The following TMEM132D variants were observed in gnomAD, a reference collection of about 807,000 sequenced individuals.
TMEM132D encodes mature OL transmembrane protein.
A neutral mutation model predicts 62.3 loss-of-function variants in TMEM132D; 21 were observed. The ratio of observed to expected loss-of-function variants is 0.34; its 90% confidence interval spans 0.24 to 0.49. The LOEUF is 0.49. TMEM132D is among the 20% of genes least tolerant of loss of function. The pLI, the probability that TMEM132D is intolerant of heterozygous loss-of-function variation, is 0.99. For synonymous variants in TMEM132D, 621 were observed against 575.6 expected, an observed-to-expected ratio of 1.08 and a Z score of -1.13; for missense variants, 1,346 against 1,402.8, an observed-to-expected ratio of 0.96 and a Z score of 0.65.
intron 1 of TMEM132D, among the ~76,000 whole-genome samples, chr12:129,897,843 C>T (rs1455509125): frequency 6.6e-6 from 1 of 152,188 alleles, no homozygotes; most frequent in Admixed American, 6.5e-5. Context: ...CTGCACTCAG[C>T]CCCTGGCAAG....
At chr12:129,429,865 G>A (rs1321901562) in intron 3 of TMEM132D, among the ~76,000 whole-genome samples, 1 of 151,494 alleles carries the variant, frequency 6.6e-6, no homozygotes, top group Non-Finnish European at 1.5e-5. Context: ...AGTTTGCTGA[G>A]AATGATGGTT....
At chr12:129,550,662 A>T (rs942714986) in intron 2 of TMEM132D, among the ~76,000 whole-genome samples, 31 of 152,192 alleles carry the variant, frequency 2.0e-4, no homozygotes, top group Admixed American at 1.8e-3. Flanking sequence ...ACTACAAAGA[A>T]CACCAGGGGA....
chr12:129,656,969 A>G (rs1396118552), intron 2 of TMEM132D, among the ~76,000 whole-genome samples: 2 of 152,230 alleles, frequency 1.3e-5, no homozygotes, highest in Non-Finnish European at 1.5e-5. Flanking sequence ...ACAGAAATCT[A>G]TCTCTTTTTG....
intron 3 of TMEM132D, among the ~76,000 whole-genome samples, chr12:129,360,311 C>T (rs2046247): frequency 0.023 from 3,427 of 152,286 alleles, 75 homozygotes; most frequent in Admixed American, 0.063. Context: ...TTTAACTGTA[C>T]TTAGGGGGGC....
chr12:129,106,295 T>A (rs1349074079), intron 5 of TMEM132D, among the ~76,000 whole-genome samples: 1 of 147,040 alleles, frequency 6.8e-6, no homozygotes. Context: ...AGGGATAGCA[T>A]TGGGAGATAT....
chr12:129,446,115 T>C (rs756331555), intron 3 of TMEM132D, among the ~76,000 whole-genome samples: 12 of 152,030 alleles, frequency 7.9e-5, no homozygotes, highest in Admixed American at 3.9e-4. Flanking sequence ...AGGTGATAGG[T>C]GTTGGTTCTC....
At chr12:129,825,491 T>C (rs1403943586) in intron 1 of TMEM132D, among the ~76,000 whole-genome samples, 1 of 152,166 alleles carries the variant, frequency 6.6e-6, no homozygotes, top group East Asian at 1.9e-4. Context: ...TCCAACCACC[T>C]TCCATAATGT....
At chr12:129,842,397 T>A (rs1873225969) in intron 1 of TMEM132D, among the ~76,000 whole-genome samples, 1 of 152,122 alleles carries the variant, frequency 6.6e-6, no homozygotes, top group Non-Finnish European at 1.5e-5. Flanking sequence ...TGTGAAGAAA[T>A]TATTCTCTTT....
intron 5 of TMEM132D, among the ~76,000 whole-genome samples, chr12:129,104,038 C>G (rs893610831): frequency 2.0e-5 from 3 of 151,826 alleles, no homozygotes; most frequent in African/African-American, 7.3e-5. Context: ...TTGGAAAAAA[C>G]TACTTTAAAG....
intron 2 of TMEM132D, among the ~76,000 whole-genome samples, chr12:129,580,491 A>G (rs533769933): frequency 6.6e-6 from 1 of 152,324 alleles, no homozygotes; most frequent in African/African-American, 2.4e-5. Flanking sequence ...AGATGTCTAC[A>G]TCTTTTTAGT....
At chr12:129,299,897 A>C (rs894664205) in intron 4 of TMEM132D, among the ~76,000 whole-genome samples, 4 of 152,136 alleles carry the variant, frequency 2.6e-5, no homozygotes, top group African/African-American at 9.7e-5. Flanking sequence ...ACGCTTAATC[A>C]TTTTCATAGG....
intron 1 of TMEM132D, among the ~76,000 whole-genome samples, chr12:129,844,164 A>G (rs1280539286): frequency 1.3e-5 from 2 of 152,236 alleles, no homozygotes; most frequent in Non-Finnish European, 2.9e-5. Context: ...CATTGGGTCA[A>G]TGCTAGCCCG....
At chr12:129,416,164 A>G (rs560427445) in intron 3 of TMEM132D, among the ~76,000 whole-genome samples, 23 of 152,326 alleles carry the variant, frequency 1.5e-4, no homozygotes, top group African/African-American at 4.8e-4. Context: ...CCATTTTCAC[A>G]ATACTGATTC....
At chr12:129,134,713 G>T (rs1876504717) in intron 5 of TMEM132D, among the ~76,000 whole-genome samples, 1 of 152,196 alleles carries the variant, frequency 6.6e-6, no homozygotes, top group Admixed American at 6.5e-5. Context: ...GACAGACTGG[G>T]TTTGAGGCCT....
At chr12:129,454,099 T>C (rs1873387052) in intron 3 of TMEM132D, among the ~76,000 whole-genome samples, 1 of 152,268 alleles carries the variant, frequency 6.6e-6, no homozygotes, top group Non-Finnish European at 1.5e-5. Context: ...ATTATCCTTC[T>C]GCCCAGAATT....
At chr12:129,346,664 T>C (rs1869695735) in intron 3 of TMEM132D, among the ~76,000 whole-genome samples, 1 of 152,164 alleles carries the variant, frequency 6.6e-6, no homozygotes. Context: ...AAGGATGTCC[T>C]CTCTCACCAC....
chr12:129,629,019 C>T (rs1565928859), intron 2 of TMEM132D, among the ~76,000 whole-genome samples: 1 of 151,724 alleles, frequency 6.6e-6, no homozygotes, highest in Non-Finnish European at 1.5e-5. Flanking sequence ...CCATCTTTAC[C>T]TGGTTCTCTC....
At chr12:129,512,424 G>C (rs1256773384) in intron 3 of TMEM132D, among the ~76,000 whole-genome samples, 3 of 152,142 alleles carry the variant, frequency 2.0e-5, no homozygotes, top group Admixed American at 6.5e-5. Flanking sequence ...CAAAAGAGAC[G>C]AGCCCTTCTT....
intron 5 of TMEM132D, among the ~76,000 whole-genome samples, chr12:129,156,590 C>T (rs1877253033): frequency 6.6e-6 from 1 of 152,084 alleles, no homozygotes; most frequent in South Asian, 2.1e-4. Flanking sequence ...AAATAACACC[C>T]TCCCAATGGA....
Sources: gnomAD v4.1 joint callset for allele counts (sites outside exome capture counted in the v4.1 genomes callset) on GRCh38, gnomAD v4.1.1 for gene constraint, MANE v1.5 for transcripts, NCBI Gene and HGNC (gene_info 2026-07-23, HGNC 2026-07-21) for gene names.